Variants in MDGA2 observed in about 807,000 individuals in gnomAD.
MDGA2 encodes the protein MAM domain containing glycosylphosphatidylinositol anchor 2, also known as MAM domain-containing glycosylphosphatidylinositol anchor protein 2.
MDGA2 carries 40 observed loss-of-function variants against 117.8 expected under a neutral mutation model. The observed-to-expected ratio is 0.34, with a 90% CI of 0.26 to 0.44. MDGA2 has a LOEUF of 0.44. Among genes scored for constraint, MDGA2 ranks in the 20% least tolerant of loss-of-function variants. The pLI, the probability that MDGA2 is intolerant of heterozygous loss-of-function variation, is 1.00. For synonymous variants in MDGA2, 452 were observed against 439.0 expected (o/e 1.03, Z -0.37); for missense variants, 1,123 against 1,250.6 (o/e 0.90, Z 1.54).
intron 8 of MDGA2, among the ~76,000 whole-genome samples, chr14:46,975,805 C>A (rs1423700797): frequency 2.0e-5 from 3 of 152,054 alleles, no homozygotes; most frequent in African/African-American, 7.2e-5. Flanking sequence ...AGGAAACCAG[C>A]AGATTCAGTG....
intron 1 of MDGA2, among the ~76,000 whole-genome samples, chr14:47,543,830 T>A (rs1566507510): frequency 6.6e-6 from 1 of 152,204 alleles, no homozygotes; most frequent in Non-Finnish European, 1.5e-5. Flanking sequence ...ATTAGTCCAG[T>A]GAGCTTTCTA....
chr14:47,616,962 G>T (rs570987947), intron 1 of MDGA2, among the ~76,000 whole-genome samples: 5 of 152,216 alleles, frequency 3.3e-5, no homozygotes, highest in Admixed American at 1.3e-4. Context: ...ACCAAATGTG[G>T]TTAGCAACTG....
chr14:47,081,019 T>A (rs912387886), intron 6 of MDGA2, among the ~76,000 whole-genome samples: 4 of 152,186 alleles, frequency 2.6e-5, no homozygotes, highest in African/African-American at 9.7e-5. Flanking sequence ...AAATGTGCCT[T>A]CTTACTCGTG....
chr14:46,920,903 G>T (rs959198377), intron 9 of MDGA2, among the ~76,000 whole-genome samples: 2 of 152,108 alleles, frequency 1.3e-5, no homozygotes, highest in African/African-American at 4.8e-5. Context: ...ATTAATAAAA[G>T]ATCTGGTCAA....
At chr14:47,336,686 C>T (rs1374342263) in intron 1 of MDGA2, among the ~76,000 whole-genome samples, 1 of 151,900 alleles carries the variant, frequency 6.6e-6, no homozygotes, top group Non-Finnish European at 1.5e-5. Flanking sequence ...AAGATCTCAG[C>T]TTAAATTTCA....
At chr14:46,963,790 C>T (rs572854456) in intron 8 of MDGA2, among the ~76,000 whole-genome samples, 129 of 152,222 alleles carry the variant, frequency 8.5e-4, no homozygotes, top group Middle Eastern at 3.4e-3. Flanking sequence ...ACAAAGGGAC[C>T]TAAAATTCTC....
At chr14:47,451,697 T>C (rs138793340) in intron 1 of MDGA2, among the ~76,000 whole-genome samples, 262 of 152,236 alleles carry the variant, frequency 1.7e-3, no homozygotes, top group Middle Eastern at 0.014. Context: ...GTGAATACAT[T>C]AGGCAGCTAG....
intron 8 of MDGA2, among the ~76,000 whole-genome samples, chr14:46,972,816 C>A (rs549906286): frequency 6.6e-6 from 1 of 152,006 alleles, no homozygotes; most frequent in African/African-American, 2.4e-5. Flanking sequence ...TGCAAAGACA[C>A]AGTCAAGAAA....
At chr14:47,568,176 C>T (rs1594922117) in intron 1 of MDGA2, among the ~76,000 whole-genome samples, 1 of 152,112 alleles carries the variant, frequency 6.6e-6, no homozygotes, top group East Asian at 1.9e-4. Context: ...CTCATGCTGT[C>T]TATATAGACT....
At chr14:47,034,937 T>C in intron 8 of MDGA2, 74 bp downstream of exon 8, 1 of 1,356,078 alleles carries the variant, frequency 7.4e-7, no homozygotes, top group Non-Finnish European at 1.0e-6. Flanking sequence ...AATCACCTCA[T>C]ATTAATAGTA....
At chr14:47,171,712 G>A (rs758194066) in intron 3 of MDGA2, among the ~76,000 whole-genome samples, 1 of 152,216 alleles carries the variant, frequency 6.6e-6, no homozygotes, top group Non-Finnish European at 1.5e-5. Flanking sequence ...CTCCCAGCGT[G>A]AGCGACACAG....
At chr14:47,158,363 G>GGGGTGTGT (rs1555358937) in intron 3 of MDGA2, among the ~76,000 whole-genome samples, 23 of 146,784 alleles carry the variant, frequency 1.6e-4, no homozygotes, top group Admixed American at 1.4e-3. Flanking sequence ...CCCTGGGGTG[G>GGGGTGTGT]GTGTGTGTGT....
chr14:47,600,064 T>G (rs1896617861), intron 1 of MDGA2, among the ~76,000 whole-genome samples: 1 of 152,048 alleles, frequency 6.6e-6, no homozygotes, highest in African/African-American at 2.4e-5. Context: ...CTTATAGCCA[T>G]ATAGACGACA....
At chr14:47,071,574 G>GA in intron 6 of MDGA2, among the ~76,000 whole-genome samples, 2 of 151,032 alleles carry the variant, frequency 1.3e-5, no homozygotes, top group African/African-American at 4.9e-5. Context: ...TTTTTAATGA[G>GA]AAAATTCTAT....
intron 6 of MDGA2, among the ~76,000 whole-genome samples, chr14:47,062,395 A>C (rs1362350060): frequency 6.6e-6 from 1 of 152,112 alleles, no homozygotes; most frequent in East Asian, 1.9e-4. Flanking sequence ...GGGAGCATCT[A>C]TAGACTTTCT....
chr14:47,370,787 C>A (rs1035454525), intron 1 of MDGA2, among the ~76,000 whole-genome samples: 1 of 151,366 alleles, frequency 6.6e-6, no homozygotes, highest in African/African-American at 2.4e-5. Flanking sequence ...TTTAGGTGTC[C>A]AATGACTTTC....
intron 1 of MDGA2, among the ~76,000 whole-genome samples, chr14:47,556,996 T>G (rs979185719): frequency 6.6e-6 from 1 of 152,176 alleles, no homozygotes. Flanking sequence ...ATGTATCCAG[T>G]GAATGCCACA....
chr14:46,947,764 T>C (rs1156866946), intron 9 of MDGA2, among the ~76,000 whole-genome samples: 3 of 152,038 alleles, frequency 2.0e-5, no homozygotes, highest in Non-Finnish European at 2.9e-5. Flanking sequence ...TTTGTAAATT[T>C]CTTAGTCTCG....
intron 1 of MDGA2, among the ~76,000 whole-genome samples, chr14:47,504,581 G>A (rs1894471430): frequency 6.6e-6 from 1 of 151,730 alleles, no homozygotes; most frequent in Non-Finnish European, 1.5e-5. Context: ...TGGCTAACAG[G>A]TATATTCAAA....
Sources: allele counts gnomAD v4.1 joint callset (sites outside exome capture counted in the v4.1 genomes callset), GRCh38; gene constraint gnomAD v4.1.1; transcripts MANE v1.5; gene names NCBI Gene and HGNC (gene_info 2026-07-23, HGNC 2026-07-21).